The following RBFOX1 variants were observed in gnomAD, a reference collection of about 807,000 sequenced individuals.
RBFOX1 encodes RNA binding protein fox-1 homolog 1.
A neutral mutation model predicts 57.7 loss-of-function variants in RBFOX1; 8 were observed. That is an observed-to-expected ratio of 0.14 (90% confidence interval 0.08 to 0.25). The LOEUF (loss-of-function observed/expected upper bound fraction) is 0.25. RBFOX1 is among the 10% of genes least tolerant of loss of function. The pLI is 1.00. For synonymous variants in RBFOX1, 326 were observed against 222.4 expected, an observed-to-expected ratio of 1.47 and a Z score of -4.15; for missense variants, 611 against 548.5, an observed-to-expected ratio of 1.11 and a Z score of -1.14.
At chr16:7,547,932 G>A (rs1204141964) in intron 5 of RBFOX1, among the ~76,000 whole-genome samples, 1 of 152,180 alleles carries the variant, frequency 6.6e-6, no homozygotes, top group Non-Finnish European at 1.5e-5. Context: ...TTGCTCCTTG[G>A]TAATGGAGGA....
intron 3 of RBFOX1, among the ~76,000 whole-genome samples, chr16:5,737,437 G>C (rs143707495): frequency 6.6e-6 from 1 of 151,866 alleles, no homozygotes; most frequent in African/African-American, 2.4e-5. Flanking sequence ...AGTGAGTCGA[G>C]ATCATGCTGC....
intron 2 of RBFOX1, among the ~76,000 whole-genome samples, chr16:6,401,120 G>A (rs1003446819): frequency 4.9e-4 from 75 of 152,120 alleles, no homozygotes; most frequent in Non-Finnish European, 5.0e-4. Flanking sequence ...CAGAACTGGG[G>A]CAAGGAAAGA....
At chr16:5,712,027 A>C (rs1411097396) in intron 3 of RBFOX1, among the ~76,000 whole-genome samples, 1 of 152,234 alleles carries the variant, frequency 6.6e-6, no homozygotes, top group Non-Finnish European at 1.5e-5. Context: ...GGAAACTTAC[A>C]ATTATGATGG....
At position 5,247,982 on chromosome 16, in the gene RBFOX1, C is replaced by T. The variant is rs113193760; in HGVS notation, c.219+7877C>T. 4.8e-3 allele frequency among the ~76,000 whole-genome samples: 733 copies of T among 152,204 alleles called. 4 individuals are homozygous for T. Among genetic ancestry groups the T allele is most frequent in the African/African-American group, 0.017 (704 of 41,520 alleles). On this transcript the variant is annotated intron_variant, in intron 1 of 2. Transcript: ENST00000585867. ...CTGGGCACTGGGCTAGGGTGCTTTT[C>T]GATTTTTGTATGGGGAAGAGAAAGG...
Position 6,817,624 on chromosome 16 carries a change from T to A in RBFOX1, c.-16+162974T>A, listed in dbSNP as rs576431588. The stretch of plus-strand genomic sequence containing the variant: ...GGGAGGCTGAGGCAAGAGAATCACT[T>A]GAACCCAGGAGGAGGTTGCAGTGAG... On this transcript the variant is annotated intron_variant, in intron 3 of 15. Coordinates refer to ENST00000550418, the MANE Select transcript of RBFOX1 (RefSeq NM_018723.4). Among the ~76,000 whole-genome samples, 14 of 151,644 alleles carry A rather than the reference T, an allele frequency of 9.2e-5. No homozygotes were observed. In the East Asian group the frequency reaches 2.7e-3, roughly 29 times the overall value.
intron 1 of RBFOX1, among the ~76,000 whole-genome samples, chr16:6,199,017 T>A (rs116203625): frequency 0.015 from 2,212 of 152,154 alleles, 54 homozygotes; most frequent in African/African-American, 0.05. Context: ...ATATATATAT[T>A]TTTTCATTTA....
chr16:7,480,032 T>C (rs1264882360), intron 4 of RBFOX1, among the ~76,000 whole-genome samples: 1 of 152,188 alleles, frequency 6.6e-6, no homozygotes, highest in Non-Finnish European at 1.5e-5. Context: ...CCGATGTCCA[T>C]GTGCTGACTC....
At chr16:5,704,964 C>G (rs528833530) in intron 3 of RBFOX1, among the ~76,000 whole-genome samples, 2 of 152,264 alleles carry the variant, frequency 1.3e-5, no homozygotes, top group East Asian at 1.9e-4. Context: ...GGAAAACCTG[C>G]TCATCTCCAA....
intron 14 of RBFOX1, among the ~76,000 whole-genome samples, chr16:7,704,247 C>T (rs542395216): frequency 6.6e-6 from 1 of 152,186 alleles, no homozygotes; most frequent in African/African-American, 2.4e-5. Flanking sequence ...AAGATGAGGT[C>T]TCATGATGGT....
intron 3 of RBFOX1, among the ~76,000 whole-genome samples, chr16:6,894,324 A>G (rs898090909): frequency 2.0e-5 from 3 of 152,124 alleles, no homozygotes; most frequent in African/African-American, 7.2e-5. Context: ...AATCCCCCAG[A>G]TAGCTCTGTG....
chr16:7,524,068 G>A (rs3785266), intron 5 of RBFOX1, among the ~76,000 whole-genome samples: 11,225 of 152,174 alleles, frequency 0.074, 518 homozygotes, highest in African/African-American at 0.13. Flanking sequence ...TGCTGTACCT[G>A]GAATAGCTCT....
chr16:6,851,695 T>G (rs548239338), intron 3 of RBFOX1, among the ~76,000 whole-genome samples: 63 of 152,204 alleles, frequency 4.1e-4, no homozygotes, highest in African/African-American at 1.5e-3. Context: ...GATAACAATT[T>G]CAATGCCAGG....
chr16:7,578,545 G>C (rs1046075062), intron 5 of RBFOX1, among the ~76,000 whole-genome samples: 1 of 152,112 alleles, frequency 6.6e-6, no homozygotes, highest in African/African-American at 2.4e-5. Flanking sequence ...TGTTTGTTTT[G>C]TATTTCACTT....
chr16:6,670,648 G>A (rs1410943554), intron 3 of RBFOX1, among the ~76,000 whole-genome samples: 3 of 152,006 alleles, frequency 2.0e-5, no homozygotes, highest in Admixed American at 6.6e-5. Context: ...AATTAGCCAG[G>A]TTAACATGAA....
intron 4 of RBFOX1, among the ~76,000 whole-genome samples, chr16:5,889,638 C>G (rs1057415547): frequency 2.0e-5 from 3 of 152,320 alleles, no homozygotes; most frequent in East Asian, 1.9e-4. Flanking sequence ...CAAGCAGACT[C>G]CACACATGTC....
At chr16:6,876,352 AG>A (rs2061844654) in intron 3 of RBFOX1, among the ~76,000 whole-genome samples, 1 of 152,164 alleles carries the variant, frequency 6.6e-6, no homozygotes, top group South Asian at 2.1e-4. Context: ...CCACCATCAA[AG>A]AAAAATAATA....
chr16:5,657,607 GCTTTCTTTCTTTCTCTCTTT>G (rs1488633155), intron 3 of RBFOX1, among the ~76,000 whole-genome samples: 19 of 94,178 alleles, frequency 2.0e-4, no homozygotes, highest in East Asian at 1.9e-3. Context: ...TTTCTCGCTC[GCTTTCTTTCTTTCTCTCTTT>G]CTTTCTTTCT....
At chr16:6,768,527 C>G (rs1180224834) in intron 3 of RBFOX1, among the ~76,000 whole-genome samples, 2 of 151,666 alleles carry the variant, frequency 1.3e-5, no homozygotes, top group Non-Finnish European at 2.9e-5. Context: ...TATCTATTTT[C>G]TATACATTGA....
chr16:7,529,773 C>A (rs2079555124), intron 5 of RBFOX1, among the ~76,000 whole-genome samples: 1 of 152,102 alleles, frequency 6.6e-6, no homozygotes, highest in Non-Finnish European at 1.5e-5. Flanking sequence ...CTTTGGGAGG[C>A]TGAGACGGGC....
Sources: allele counts gnomAD v4.1 joint callset (sites outside exome capture counted in the v4.1 genomes callset), GRCh38; gene constraint gnomAD v4.1.1; transcripts MANE v1.5; gene names NCBI Gene and HGNC (gene_info 2026-07-23, HGNC 2026-07-21).